Variants in CAMTA1 observed in about 807,000 individuals in gnomAD.
The protein encoded by CAMTA1 is calmodulin binding transcription activator 1, also known as calmodulin-binding transcription activator 1.
Under a neutral mutation model 170.9 loss-of-function variants are expected in CAMTA1, and 27 were observed. The observed-to-expected ratio is 0.16, with a 90% CI of 0.12 to 0.22. CAMTA1 has a LOEUF of 0.22. Among genes scored for constraint, CAMTA1 ranks in the 10% least tolerant of loss-of-function variants. The pLI, the probability that CAMTA1 is intolerant of heterozygous loss-of-function variation, is 1.00. For missense variants in CAMTA1, 1,619 were observed against 2,217.2 expected, an observed-to-expected ratio of 0.73 and a Z score of 5.42; for synonymous variants, 833 against 891.5, an observed-to-expected ratio of 0.93 and a Z score of 1.17.
chr1:7,666,178 A>G (rs1254656527), intron 9 of CAMTA1, among the ~76,000 whole-genome samples: 3 of 151,758 alleles, frequency 2.0e-5, no homozygotes, highest in Admixed American at 6.6e-5. Flanking sequence ...AAAAAAAAAA[A>G]AAAGAAAGAA....
intron 3 of CAMTA1, among the ~76,000 whole-genome samples, chr1:6,897,664 A>C (rs906696271): frequency 1.3e-5 from 2 of 152,176 alleles, no homozygotes; most frequent in Admixed American, 6.5e-5. Context: ...TGTGTGCAGT[A>C]CACTTGACCC....
chr1:6,842,287 G>A, intron 3 of CAMTA1, among the ~76,000 whole-genome samples: 1 of 152,218 alleles, frequency 6.6e-6, no homozygotes, highest in East Asian at 1.9e-4. Context: ...TTAGGAACAA[G>A]TGGGCGTCAT....
rs889244206 is a variant in CAMTA1 at position 7,299,546 on chromosome 1, G to A, written c.438+49920G>A. Among the ~76,000 whole-genome samples, 16 of 152,192 alleles carry A rather than the reference G, an allele frequency of 1.1e-4. No homozygotes were observed. The highest frequency in any genetic ancestry group is 3.9e-4 in the African/African-American group (16 of 41,446). ...CTCGGAGAGCTTCCAACCTCGCAATGAGCCAGCGGCTCCCCGGAGTCAGAC... is the reference window on the plus strand; with the variant it reads ...CTCGGAGAGCTTCCAACCTCGCAATAAGCCAGCGGCTCCCCGGAGTCAGAC... On this transcript the variant is annotated intron_variant, in intron 5 of 22. Coordinates refer to ENST00000303635, the MANE Select transcript of CAMTA1 (RefSeq NM_015215.4). This position sits in a 1 kb window ranked among gnomAD's most constrained non-coding sequence, Gnocchi z 4.7.
chr1:7,718,499 G>T (rs531496021), intron 11 of CAMTA1, among the ~76,000 whole-genome samples: 139 of 150,324 alleles, frequency 9.2e-4, no homozygotes, highest in Non-Finnish European at 1.1e-3. Context: ...TTTAAATCAC[G>T]CCTTCATGTC....
intron 5 of CAMTA1, among the ~76,000 whole-genome samples, chr1:7,305,027 G>A (rs529377437): frequency 4.0e-5 from 6 of 151,862 alleles, no homozygotes; most frequent in African/African-American, 1.2e-4. Flanking sequence ...ATGGTAGAAG[G>A]GACAGTGTCA....
chr1:7,055,959 C>T (rs1707262677), intron 3 of CAMTA1, among the ~76,000 whole-genome samples: 1 of 152,116 alleles, frequency 6.6e-6, no homozygotes, highest in South Asian at 2.1e-4. Flanking sequence ...AGAGGTACCC[C>T]TCTGGGGAGT....
At chr1:6,973,832 C>T (rs892995902) in intron 3 of CAMTA1, among the ~76,000 whole-genome samples, 8 of 152,192 alleles carry the variant, frequency 5.3e-5, no homozygotes, top group Admixed American at 2.0e-4. Context: ...CCTCATCTCC[C>T]TTCTACAGTG....
chr1:7,671,950 A>G (rs2149230842), intron 10 of CAMTA1: 1 of 454,842 alleles, frequency 2.2e-6, no homozygotes, highest in African/African-American at 2.0e-5. Context: ...TTGTGACGGA[A>G]TGAATGAGTC....
At chr1:7,317,340 G>A (rs777606274) in intron 5 of CAMTA1, among the ~76,000 whole-genome samples, 24 of 152,218 alleles carry the variant, frequency 1.6e-4, no homozygotes, top group Non-Finnish European at 3.1e-4. Context: ...TTGAAAGGAT[G>A]ACAACTCTGT....
chr1:7,608,650 T>C lies in CAMTA1; in HGVS notation c.511-31750T>C, dbSNP rs567990386. 4.6e-5 allele frequency among the ~76,000 whole-genome samples: 7 copies of C among 152,302 alleles called. No homozygotes were observed. In the South Asian group the frequency reaches 1.2e-3, roughly 27 times the overall value. The stretch of plus-strand genomic sequence containing the variant: ...TGTCCCCTTGGCATCTCTTTCTCCT[T>C]AGAAAATCTGATTGCTTGTAGCTTC... On this transcript the variant is annotated intron_variant, in intron 6 of 22. Coordinates refer to ENST00000303635, the MANE Select transcript of CAMTA1 (RefSeq NM_015215.4).
chr1:7,107,270 G>C (rs12067684), intron 4 of CAMTA1, among the ~76,000 whole-genome samples: 23,206 of 69,304 alleles, frequency 0.33, 1,983 homozygotes, highest in East Asian at 0.49. Flanking sequence ...ATGTGTATGT[G>C]TGTGTGCATG....
intron 6 of CAMTA1, among the ~76,000 whole-genome samples, chr1:7,539,598 G>T (rs1011262336): frequency 3.9e-5 from 6 of 152,262 alleles, no homozygotes; most frequent in Non-Finnish European, 8.8e-5. Context: ...AGCACATGCA[G>T]CCTGATTCCT....
chr1:7,355,877 C>T (rs2085075938), intron 5 of CAMTA1, among the ~76,000 whole-genome samples: 2 of 152,264 alleles, frequency 1.3e-5, no homozygotes, highest in South Asian at 4.1e-4. Flanking sequence ...TTTGCACATG[C>T]TTTTCCCTCT....
rs77391334 is a variant in CAMTA1 at position 7,297,532 on chromosome 1, T to C, written c.438+47906T>C. Among the ~76,000 whole-genome samples, 67 of 152,386 alleles carry C rather than the reference T, an allele frequency of 4.4e-4. No homozygotes were observed. The East Asian group carries it at 0.012, about 27-fold the overall frequency. On this transcript the variant is annotated intron_variant, in intron 5 of 22. Coordinates refer to ENST00000303635, the MANE Select transcript of CAMTA1 (RefSeq NM_015215.4). ...TATCTCTGCTTAGCTTTCAGTCTTA[T>C]AACAGCTATGGAGTTTTGCCCTGCA...
intron 4 of CAMTA1, among the ~76,000 whole-genome samples, chr1:7,220,617 T>C (rs1162815378): frequency 6.6e-6 from 1 of 152,148 alleles, no homozygotes; most frequent in African/African-American, 2.4e-5. Flanking sequence ...AGGGACCACC[T>C]CGGCTCTGTG....
chr1:7,587,237 C>A (rs1557961703), intron 6 of CAMTA1, among the ~76,000 whole-genome samples: 1 of 152,084 alleles, frequency 6.6e-6, no homozygotes, highest in Non-Finnish European at 1.5e-5. Context: ...TGAGCCCATC[C>A]ACCCGCCGCC....
chr1:6,904,665 T>C (rs1283482713), intron 3 of CAMTA1, among the ~76,000 whole-genome samples: 1 of 146,498 alleles, frequency 6.8e-6, no homozygotes, highest in Admixed American at 6.9e-5. Flanking sequence ...ACTTCCAGGC[T>C]CAAGCAGTCC....
In CAMTA1 at chr1:6,992,230, G is replaced by A. The variant is rs575718134; in HGVS notation, c.235-99074G>A. On this transcript the variant is annotated intron_variant, in intron 3 of 22. Transcript: ENST00000303635. Reference sequence around the variant, plus strand: ...AACTACAGGTGCACACCACCAGGCCGGCTAATTTTTGTATTTATTTTTGTA... The same window carrying A: ...AACTACAGGTGCACACCACCAGGCCAGCTAATTTTTGTATTTATTTTTGTA... Among the ~76,000 whole-genome samples the A allele has an allele frequency of 5.5e-4, 84 of 151,742 alleles. 2 individuals carry two copies. The South Asian group carries it at 0.01, about 19-fold the overall frequency.
intron 6 of CAMTA1, among the ~76,000 whole-genome samples, chr1:7,542,829 C>G (rs1218264103): frequency 7.1e-5 from 8 of 111,972 alleles, no homozygotes; most frequent in African/African-American, 2.0e-4. Context: ...CACGCCTGGC[C>G]TAAAACACAG....
Sources: allele counts gnomAD v4.1 joint callset (sites outside exome capture counted in the v4.1 genomes callset), GRCh38; gene constraint gnomAD v4.1.1; non-coding constraint Gnocchi (gnomAD v3.1); transcripts MANE v1.5; gene names NCBI Gene and HGNC (gene_info 2026-07-23, HGNC 2026-07-21).